CRYBG3: variants seen among roughly 807,000 people sequenced by gnomAD.
CRYBG3 encodes the protein very large A-kinase anchor protein.
In CRYBG3, 127 loss-of-function variants were observed where a neutral mutation model predicts 244.2. The observed-to-expected ratio is 0.52, with a 90% CI of 0.45 to 0.60. CRYBG3 has a LOEUF of 0.60. Ranked by LOEUF, CRYBG3 falls within the 20% of genes least tolerant of loss-of-function variation. The probability of loss-of-function intolerance (pLI) is 0.00; values close to 1 mark genes in which losing one functional copy is unlikely to be tolerated. For synonymous variants in CRYBG3, 1,132 were observed against 1,195.8 expected (o/e 0.95, Z 1.10); for missense variants, 3,325 against 3,442.5 (o/e 0.97, Z 0.85).
chr3:97,875,782 A>G lies in CRYBG3; in HGVS notation c.4588A>G (p.Asn1530Asp). The G allele has an allele frequency of 8.1e-7, 1 of 1,231,816 alleles. No homozygotes were observed. The highest frequency in any genetic ancestry group is 1.0e-6 in the Non-Finnish European group (1 of 987,684). The allele number at this position is 1,231,816 out of a possible 1,614,324, so 76.3% of individuals were successfully genotyped here. The change falls in exon 4 of 22, where the codon AAT (asparagine) becomes GAT (aspartate). Residue 1530 changes from asparagine (N) to aspartate (D), a missense_variant. Asn to Asp is a conservative substitution (Grantham distance 23). Around this residue, in one of 4 missense-constraint regions of CRYBG3, gnomAD observed 635 missense variants for 771.7 expected, o/e 0.82. Coordinates refer to ENST00000389622, the MANE Select transcript of CRYBG3 (RefSeq NM_153605.4). ...TGTAGGGAAAGTACACAAGAAGGAT[A>G]ATGAAATAAATATAGGGAAAATTGA... ...SDVGKVHKKD[N>D]EINIGKIELI...
intron 19 of CRYBG3, among the ~76,000 whole-genome samples, chr3:97,939,766 G>A (rs1476491234): frequency 2.0e-5 from 3 of 152,062 alleles, no homozygotes; most frequent in African/African-American, 7.2e-5. Flanking sequence ...GTACACTACT[G>A]TTGCATTGTT....
Position 97,899,002 on chromosome 3 carries a change from A to G in CRYBG3, c.7821A>G (p.Arg2607=). Reference sequence around the variant, plus strand: ...AAATTGGCTTTGGCAGTAAAACAAGATCCATTCATGTTAAAAGTGGAGTGT... The same window carrying G: ...AAATTGGCTTTGGCAGTAAAACAAGGTCCATTCATGTTAAAAGTGGAGTGT... ...LEEIGFGSKT[R]SIHVKSGVWV... is the part of the protein sequence containing the mutation. The change falls in exon 13 of 22, where the codon AGA becomes AGG. Residue 2607 remains arginine (R), a synonymous_variant. Coordinates refer to ENST00000389622, the MANE Select transcript of CRYBG3 (RefSeq NM_153605.4). 6.2e-7 allele frequency: 1 copy of G among 1,612,374 alleles called. No homozygotes were observed. Among genetic ancestry groups the G allele is most frequent in the Non-Finnish European group, 8.5e-7 (1 of 1,179,478 alleles).
chr3:97,902,507 C>T (rs953277637), intron 15 of CRYBG3, among the ~76,000 whole-genome samples: 26 of 149,348 alleles, frequency 1.7e-4, no homozygotes, highest in African/African-American at 5.9e-4. Context: ...AAAAAAAAAG[C>T]GGGATACATG....
chr3:97,879,900 TC>T (rs2108222739), intron 5 of CRYBG3, 84 bp from the exon 6 acceptor site: 1 of 937,756 alleles, frequency 1.1e-6, no homozygotes, highest in African/African-American at 1.7e-5. Flanking sequence ...GATATTTATT[TC>T]TATGTTCTAG....
At chr3:97,920,454 G>A (rs1373354468) in intron 17 of CRYBG3, among the ~76,000 whole-genome samples, 2 of 152,038 alleles carry the variant, frequency 1.3e-5, no homozygotes, top group Non-Finnish European at 2.9e-5. Context: ...AGCATGTTTT[G>A]CCAGCATCCC....
chr3:97,844,954 G>A (rs143296167), intron 2 of CRYBG3, among the ~76,000 whole-genome samples: 65 of 152,200 alleles, frequency 4.3e-4, no homozygotes, highest in Non-Finnish European at 7.6e-4. Context: ...CAGTTATCCC[G>A]TAATAGAAAG....
At chr3:97,855,118 T>G (rs180913198) in intron 2 of CRYBG3, among the ~76,000 whole-genome samples, 1 of 152,298 alleles carries the variant, frequency 6.6e-6, no homozygotes, top group African/African-American at 2.4e-5. Context: ...GTTTTTATCC[T>G]TCATTCTGTT....
At chr3:97,884,869 A>T (rs1351688745) in intron 7 of CRYBG3, among the ~76,000 whole-genome samples, 1 of 151,880 alleles carries the variant, frequency 6.6e-6, no homozygotes, top group Non-Finnish European at 1.5e-5. Context: ...TACTGTTTCC[A>T]TCTGTGTTGT....
intron 1 of CRYBG3, 66 bp from the exon 2 acceptor site, chr3:97,843,129 A>C: frequency 1.0e-6 from 1 of 992,506 alleles, no homozygotes; most frequent in Non-Finnish European, 1.5e-6. Context: ...GAGTTTAAAT[A>C]CAGAAAACTT....
In CRYBG3 at chr3:97,899,263, G is replaced by A. The variant is rs2039676636; in HGVS notation, c.7971G>A (p.Leu2657=). 6.2e-7 allele frequency: 1 copy of A among 1,610,702 alleles called. No individual in the cohort carries two copies. ...NIIMSIRPIQ[L]EPLGINEPPH... is the part of the protein sequence containing the mutation. Reference sequence around the variant, plus strand: ...TCATGTCGATACGGCCAATCCAACTGGTGAGTGAAGTATGAACATAGCCAG... The same window carrying A: ...TCATGTCGATACGGCCAATCCAACTAGTGAGTGAAGTATGAACATAGCCAG... Residue 2657 remains leucine (L), a splice_region_variant and synonymous_variant, in exon 14 of 22, where the codon CTG becomes CTA. Coordinates refer to ENST00000389622, the MANE Select transcript of CRYBG3 (RefSeq NM_153605.4).
chr3:97,930,523 G>C (rs890063171), intron 17 of CRYBG3, among the ~76,000 whole-genome samples: 1 of 151,902 alleles, frequency 6.6e-6, no homozygotes, highest in South Asian at 2.1e-4. Context: ...TTTATTCCTG[G>C]TGCAGTCAGT....
intron 2 of CRYBG3, among the ~76,000 whole-genome samples, chr3:97,859,639 TTCCCCAGAAACATTG>T (rs2039117464): frequency 6.6e-6 from 1 of 152,182 alleles, no homozygotes. Flanking sequence ...TGGAGCTGCA[TTCCCCAGAAACATTG>T]TTTCAAATTC....
At chr3:97,833,112 G>T (rs2038677347) in intron 1 of CRYBG3, among the ~76,000 whole-genome samples, 1 of 152,196 alleles carries the variant, frequency 6.6e-6, no homozygotes, top group Non-Finnish European at 1.5e-5. Flanking sequence ...TACAATGTTG[G>T]TGGGAGTGTA....
At chr3:97,940,009 C>T (rs1432202379) in intron 19 of CRYBG3, among the ~76,000 whole-genome samples, 2 of 151,976 alleles carry the variant, frequency 1.3e-5, no homozygotes, top group Non-Finnish European at 2.9e-5. Context: ...ATTGCATTTA[C>T]CTAAGCACTT....
chr3:97,827,881 G>C (rs1445369221), intron 1 of CRYBG3, among the ~76,000 whole-genome samples: 1 of 152,086 alleles, frequency 6.6e-6, no homozygotes, highest in Non-Finnish European at 1.5e-5. Flanking sequence ...CGCTTAACTT[G>C]GGAAGACTCG....
chr3:97,855,680 G>C (rs983438469), intron 2 of CRYBG3, among the ~76,000 whole-genome samples: 2 of 152,172 alleles, frequency 1.3e-5, no homozygotes, highest in African/African-American at 2.4e-5. Context: ...ACAAAAGAGA[G>C]AAATTTTAAA....
At chr3:97,927,726 C>T (rs190860882) in intron 17 of CRYBG3, among the ~76,000 whole-genome samples, 5 of 151,916 alleles carry the variant, frequency 3.3e-5, no homozygotes, top group Admixed American at 3.3e-4. Context: ...ACAAACAACC[C>T]CATTAAAAAG....
At chr3:97,926,129 C>A (rs188552015) in intron 17 of CRYBG3, among the ~76,000 whole-genome samples, 4 of 152,120 alleles carry the variant, frequency 2.6e-5, no homozygotes, top group Admixed American at 2.6e-4. Flanking sequence ...AACAAAACTT[C>A]AGGCCCATAT....
intron 15 of CRYBG3, among the ~76,000 whole-genome samples, chr3:97,903,693 T>C (rs1293041662): frequency 6.6e-6 from 1 of 152,200 alleles, no homozygotes; most frequent in Non-Finnish European, 1.5e-5. Flanking sequence ...CAGTAGTTCA[T>C]TGCATTTTTA....
Sources: allele counts gnomAD v4.1 joint callset (sites outside exome capture counted in the v4.1 genomes callset), GRCh38; gene constraint gnomAD v4.1.1; regional missense constraint gnomAD v4.1.1; transcripts MANE v1.5; gene names NCBI Gene and HGNC (gene_info 2026-07-23, HGNC 2026-07-21).